Variants in LPIN1 observed in about 807,000 individuals in gnomAD.
LPIN1 encodes phosphatidate phosphatase LPIN1.
LPIN1 carries 71 observed loss-of-function variants against 107.5 expected under a neutral mutation model. The ratio of observed to expected loss-of-function variants is 0.66; its 90% CI spans 0.55 to 0.80. LPIN1 has a LOEUF of 0.80. Ranked by LOEUF, LPIN1 falls within the 30% of genes least tolerant of loss-of-function variation. The pLI is 0.00. For missense variants in LPIN1, 1,043 were observed against 1,160.6 expected (o/e 0.90, Z 1.47); for synonymous variants, 445 against 452.6 (o/e 0.98, Z 0.21).
intron 1 of LPIN1, among the ~76,000 whole-genome samples, chr2:11,760,764 T>G (rs1343738768): frequency 6.6e-6 from 1 of 152,168 alleles, no homozygotes; most frequent in Non-Finnish European, 1.5e-5. Flanking sequence ...TCTCGCTTTC[T>G]TTTTCTTGTG....
intron 14 of LPIN1, among the ~76,000 whole-genome samples, chr2:11,800,164 G>A (rs1341022732): frequency 6.6e-6 from 1 of 152,152 alleles, no homozygotes; most frequent in African/African-American, 2.4e-5. Context: ...CTGTGCCATC[G>A]ATGCCTGGCA....
chr2:11,779,630 G>A lies in LPIN1; in HGVS notation c.942G>A (p.Leu314=). Residue 314 remains leucine, a synonymous_variant, in exon 7 of 21, where the codon CTG becomes CTA. Transcript: ENST00000674199. ...NPEMLWLWGE[L]PQAAKSSSPH... ...AAATGCTTTGGCTGTGGGGAGAGCTGCCGCAGGCTGCTAAGGTGAGAGTCT... is the reference window on the plus strand; with the variant it reads ...AAATGCTTTGGCTGTGGGGAGAGCTACCGCAGGCTGCTAAGGTGAGAGTCT... The A allele has an allele frequency of 6.2e-7, 1 of 1,614,104 alleles. No individual in the cohort carries two copies. Among genetic ancestry groups the A allele is most frequent in the Non-Finnish European group, 8.5e-7 (1 of 1,179,972 alleles).
At chr2:11,689,654 C>A (rs1662173329) in intron 1 of LPIN1, among the ~76,000 whole-genome samples, 1 of 152,210 alleles carries the variant, frequency 6.6e-6, no homozygotes. Context: ...TGCCTGTAAT[C>A]CCAGCACTTT....
chr2:11,766,744 G>A (rs1287852589), intron 2 of LPIN1, among the ~76,000 whole-genome samples: 1 of 149,174 alleles, frequency 6.7e-6, no homozygotes, highest in Non-Finnish European at 1.5e-5. Context: ...CCAGTTCCTG[G>A]GCTCTTATCA....
chr2:11,685,410 A>T (rs771026941), intron 1 of LPIN1, among the ~76,000 whole-genome samples: 1 of 152,170 alleles, frequency 6.6e-6, no homozygotes, highest in Non-Finnish European at 1.5e-5. Flanking sequence ...GGCAGACATG[A>T]TGGACCTGTT....
chr2:11,693,805 TA>T (rs1436196644), intron 1 of LPIN1, among the ~76,000 whole-genome samples: 60 of 22,854 alleles, frequency 2.6e-3, no homozygotes, highest in East Asian at 0.016. Context: ...TATATATATA[TA>T]TATATATATA....
chr2:11,679,127 G>C (rs751818794), intron 1 of LPIN1, among the ~76,000 whole-genome samples: 1 of 152,180 alleles, frequency 6.6e-6, no homozygotes, highest in Non-Finnish European at 1.5e-5. Context: ...CTGAGACGCA[G>C]GTGTTATTAT....
At chr2:11,721,324 C>T (rs991049836), upstream of LPIN1, among the ~76,000 whole-genome samples, 3 of 140,536 alleles carry the variant, frequency 2.1e-5, no homozygotes, top group Non-Finnish European at 4.6e-5. Context: ...GGTGAGGATG[C>T]AAGATGATCT....
chr2:11,762,149 G>A (rs1202535169), intron 1 of LPIN1, among the ~76,000 whole-genome samples: 1 of 152,008 alleles, frequency 6.6e-6, no homozygotes, highest in Non-Finnish European at 1.5e-5. Context: ...GGAACTCAGG[G>A]AAACAGTTTA....
intron 15 of LPIN1, among the ~76,000 whole-genome samples, chr2:11,804,011 A>G (rs1476486024): frequency 6.6e-6 from 1 of 152,138 alleles, no homozygotes; most frequent in Non-Finnish European, 1.5e-5. Flanking sequence ...CTTGGCTTAA[A>G]TTTGTCTCCC....
chr2:11,818,021 C>T (rs76439006), intron 18 of LPIN1: 1,782 of 149,984 alleles, frequency 0.012, 27 homozygotes, highest in African/African-American at 0.042. Context: ...TATCTGTGAA[C>T]GTGTGGTTCT....
intron 1 of LPIN1, among the ~76,000 whole-genome samples, chr2:11,747,209 T>C (rs1392163057): frequency 6.6e-6 from 1 of 152,234 alleles, no homozygotes; most frequent in Non-Finnish European, 1.5e-5. Flanking sequence ...CAGGGCAGGC[T>C]GAGCCCAGGT....
At chr2:11,735,509 C>T (rs1056993062) in intron 1 of LPIN1, among the ~76,000 whole-genome samples, 1 of 152,176 alleles carries the variant, frequency 6.6e-6, no homozygotes, top group African/African-American at 2.4e-5. Flanking sequence ...AGTGTCTTGT[C>T]CCTTTCCTGT....
intron 17 of LPIN1, 26 bp downstream of exon 17, chr2:11,805,182 C>T (rs1298163685): frequency 6.5e-7 from 1 of 1,548,830 alleles, no homozygotes; most frequent in Non-Finnish European, 8.9e-7. Context: ...CTGTTTCCCG[C>T]CTCCTGTGAA....
At chr2:11,713,198 GA>G (rs1558741430) in intron 1 of LPIN1, among the ~76,000 whole-genome samples, 1 of 152,202 alleles carries the variant, frequency 6.6e-6, no homozygotes, top group Non-Finnish European at 1.5e-5. Context: ...GAGAGACAGG[GA>G]GTTTCCAACC....
At chr2:11,761,319 T>C (rs1669796227) in intron 1 of LPIN1, among the ~76,000 whole-genome samples, 1 of 152,222 alleles carries the variant, frequency 6.6e-6, no homozygotes, top group South Asian at 2.1e-4. Flanking sequence ...TTGCATGAAG[T>C]TAAACCTGCA....
At chr2:11,729,655 A>T (rs1185891707) in intron 1 of LPIN1, among the ~76,000 whole-genome samples, 1 of 152,222 alleles carries the variant, frequency 6.6e-6, no homozygotes. Context: ...AGACCATGTG[A>T]CCTGCAAAGT....
Position 11,824,542 on chromosome 2 carries a change from A to T in LPIN1, c.2622-90A>T, listed in dbSNP as rs1160261375. The T allele has an allele frequency of 2.3e-6, 3 of 1,308,528 alleles. No individual in the cohort carries two copies. In the African/African-American group the frequency reaches 4.4e-5, roughly 19 times the overall value. 81.1% of individuals were successfully genotyped at this position (1,308,528 alleles called of 1,614,324 possible). On this transcript the variant is annotated intron_variant, in intron 20 of 20. Transcript: ENST00000674199. ...CGATAAGTAGGCGGTCTGCTCCTTG[A>T]GGTTGTAGATCTCTCTTGACTTCTA...
chr2:11,701,482 G>A (rs1230334296), intron 1 of LPIN1, among the ~76,000 whole-genome samples: 3 of 152,160 alleles, frequency 2.0e-5, no homozygotes, highest in African/African-American at 4.8e-5. Context: ...TTGTCACAGC[G>A]CCGGCCCAGG....
Sources: gnomAD v4.1 joint callset for allele counts (sites outside exome capture counted in the v4.1 genomes callset) on GRCh38, gnomAD v4.1.1 for gene constraint, MANE v1.5 for transcripts, NCBI Gene and HGNC (gene_info 2026-07-23, HGNC 2026-07-21) for gene names.